The following ZNF157 variants were observed in gnomAD, a reference collection of about 807,000 sequenced individuals.
The protein encoded by ZNF157 is zinc finger protein 157, also known as zinc finger protein 22.
ZNF157 carries 8 observed loss-of-function variants against 9.4 expected under a neutral mutation model. The observed-to-expected ratio is 0.85, with a 90% confidence interval of 0.50 to 1.53. The LOEUF (loss-of-function observed/expected upper bound fraction) is 1.53, where lower values mean the gene tolerates loss of function less well. ZNF157 is among the 40% of genes most tolerant of loss of function. The pLI is 0.00. For synonymous variants in ZNF157, 120 were observed against 130.8 expected (o/e 0.92, Z 0.56); for missense variants, 316 against 385.2 (o/e 0.82, Z 1.50).
chrX:47,371,663 A>G (rs2055829161), intron 1 of ZNF157, among the ~76,000 whole-genome samples: 1 of 111,419 alleles, frequency 9.0e-6, no homozygotes. Context: ...GCTGGACTGC[A>G]ATGGCGTGAT....
Position 47,386,171 on chromosome X carries a change from T to C in ZNF157, c.72+15431T>C, listed in dbSNP as rs1402856992. ...AATTAAACTTTGATTTTGAGATCAG[T>C]ATCGATTCCCATGCAATTATAGGAA... On this transcript the variant is annotated intron_variant, in intron 1 of 3. Transcript: ENST00000377073. 5.4e-5 allele frequency among the ~76,000 whole-genome samples: 6 copies of C among 111,806 alleles called. No individual in the cohort carries two copies. In the Admixed American group the frequency reaches 5.8e-4, roughly 11 times the overall value.
At chrX:47,407,443 G>A (rs979577810) in intron 1 of ZNF157, among the ~76,000 whole-genome samples, 12 of 111,899 alleles carry the variant, frequency 1.1e-4, no homozygotes, top group African/African-American at 3.9e-4. Context: ...GAATTTACTA[G>A]TGAAACTATC....
At chrX:47,375,165 C>G (rs1484163368) in intron 1 of ZNF157, among the ~76,000 whole-genome samples, 1 of 106,360 alleles carries the variant, frequency 9.4e-6, no homozygotes, top group African/African-American at 3.4e-5. Context: ...TACAGGTGTG[C>G]ACCACCATGC....
At chrX:47,393,997 C>T (rs2055906099) in intron 1 of ZNF157, among the ~76,000 whole-genome samples, 1 of 106,363 alleles carries the variant, frequency 9.4e-6, no homozygotes, top group African/African-American at 3.4e-5. Context: ...GGGTCTTGCA[C>T]TGTTGCCCAG....
At chrX:47,401,865 A>G (rs1392542661) in intron 1 of ZNF157, among the ~76,000 whole-genome samples, 2 of 109,947 alleles carry the variant, frequency 1.8e-5, no homozygotes, top group Non-Finnish European at 3.8e-5. Context: ...TCAGCCTCCC[A>G]GGTAGCTAGG....
intron 1 of ZNF157, among the ~76,000 whole-genome samples, chrX:47,383,513 T>C (rs2055870477): frequency 9.9e-6 from 1 of 101,070 alleles, no homozygotes; most frequent in African/African-American, 3.6e-5. Flanking sequence ...CTGGGCAACA[T>C]AGCGAAATCC....
intron 1 of ZNF157, among the ~76,000 whole-genome samples, chrX:47,400,811 G>A (rs1252373526): frequency 6.3e-5 from 7 of 111,418 alleles, no homozygotes; most frequent in South Asian, 3.7e-4. Flanking sequence ...ATGTGCCACC[G>A]TGCCTGGCTA....
At chrX:47,373,687 G>A (rs1004272872) in intron 1 of ZNF157, among the ~76,000 whole-genome samples, 2 of 106,838 alleles carry the variant, frequency 1.9e-5, no homozygotes, top group Non-Finnish European at 3.8e-5. Context: ...CCCTAATTAG[G>A]ACTCCACATT....
rs754974891 is a variant in ZNF157, at chrX:47,375,228, G to A, written c.72+4488G>A. The stretch of plus-strand genomic sequence containing the variant: ...GACAGGGTTTCACCATGTTGGCCAG[G>A]CTGGCCTTGAACTCCTGACCTTGTG... On this transcript the variant is annotated intron_variant, in intron 1 of 3. Coordinates refer to ENST00000377073, the MANE Select transcript of ZNF157 (RefSeq NM_003446.4). Among the ~76,000 whole-genome samples the A allele has an allele frequency of 2.8e-5, 3 of 107,753 alleles. No individual in the cohort carries two copies. In the East Asian group the frequency reaches 8.8e-4, roughly 32 times the overall value. 93.6% of individuals were successfully genotyped at this position (107,753 alleles called of 115,157 possible).
In ZNF157 at chrX:47,383,371, C is replaced by CAA. The variant is rs35133137; in HGVS notation, c.72+12657_72+12658dup. On this transcript the variant is annotated intron_variant, in intron 1 of 3. Transcript: ENST00000377073. ...TGGGTGACAGAGAGGGACTCAGTCT[C>CAA]AAAAAAAAAAAAAAAAAAAAAAAAA... Among the ~76,000 whole-genome samples the CAA allele has an allele frequency of 9.0e-3, 169 of 18,797 alleles. 28 individuals carry two copies. The highest frequency in any genetic ancestry group is 0.031 in the East Asian group (8 of 262). 16.3% of individuals were successfully genotyped at this position (18,797 alleles called of 115,157 possible).
At chrX:47,371,861 C>G (rs1332112550) in intron 1 of ZNF157, among the ~76,000 whole-genome samples, 1 of 111,860 alleles carries the variant, frequency 8.9e-6, no homozygotes, top group Non-Finnish European at 1.9e-5. Context: ...CCTGCCTCAG[C>G]CTCCCAAAGT....
Position 47,413,395 on chromosome X carries a change from C to G in ZNF157, c.1322C>G (p.Pro441Arg), listed in dbSNP as rs1205005278. The G allele has an allele frequency of 3.3e-6, 4 of 1,211,706 alleles. No individual in the cohort carries two copies. In the South Asian group the frequency reaches 7.0e-5, roughly 21 times the overall value. ...QHRRTHTGEK[P>R]YECSECGNAF... is the part of the protein sequence containing the mutation. ...CGGAGAACTCACACAGGAGAGAAACCTTATGAATGTAGTGAATGTGGAAAT... is the reference window on the plus strand; with the variant it reads ...CGGAGAACTCACACAGGAGAGAAACGTTATGAATGTAGTGAATGTGGAAAT... The change falls in exon 4 of 4, where the codon CCT (proline) becomes CGT (arginine). Residue 441 changes from proline (P) to arginine (R), a missense_variant. By Grantham distance (103) the Pro-to-Arg change is moderately radical. This residue lies in a region of ZNF157 where 167 missense variants were observed against 183.6 expected (regional missense o/e 0.91). Coordinates refer to ENST00000377073, the MANE Select transcript of ZNF157 (RefSeq NM_003446.4).
intron 1 of ZNF157, among the ~76,000 whole-genome samples, chrX:47,383,137 G>A (rs756143852): frequency 2.9e-4 from 32 of 109,145 alleles, no homozygotes; most frequent in African/African-American, 1.1e-3. Context: ...TTGGGAGGCC[G>A]AGGTGGGCGG....
Position 47,414,184 on chromosome X carries a change from G to A in ZNF157, c.*590G>A, listed in dbSNP as rs1290440181. On this transcript the variant is annotated 3_prime_UTR_variant, in exon 4 of 4. Coordinates refer to ENST00000377073, the MANE Select transcript of ZNF157 (RefSeq NM_003446.4). ...GCACCACCATGCCTGGCTAATTTTT[G>A]TATTTTTAGTAAAGACGGGGTTTCA... 1 of 109,683 alleles carries A rather than the reference G, an allele frequency of 9.1e-6. No homozygotes were observed. Among genetic ancestry groups the A allele is most frequent in the African/African-American group, 3.3e-5 (1 of 30,182 alleles). The allele number at this position is 109,683 out of a possible 1,213,427, so 9.0% of individuals were successfully genotyped here.
At chrX:47,398,463 C>T (rs903088230) in intron 1 of ZNF157, among the ~76,000 whole-genome samples, 1 of 111,389 alleles carries the variant, frequency 9.0e-6, no homozygotes, top group Non-Finnish European at 1.9e-5. Context: ...TGTATTCATT[C>T]CTTTACTTTC....
chrX:47,381,039 G>A (rs1487689867), intron 1 of ZNF157, among the ~76,000 whole-genome samples: 1 of 103,409 alleles, frequency 9.7e-6, no homozygotes, highest in African/African-American at 3.5e-5. Context: ...AGCAGGAGGA[G>A]GAGAAAGAGA....
chrX:47,371,514 T>C (rs1260896149), intron 1 of ZNF157, among the ~76,000 whole-genome samples: 1 of 111,513 alleles, frequency 9.0e-6, no homozygotes. Context: ...GAGACTGTTA[T>C]ATTAATCAGA....
chrX:47,413,630 G>A lies in ZNF157; in HGVS notation c.*36G>A. 8.7e-7 allele frequency: 1 copy of A among 1,154,389 alleles called. No homozygotes were observed. Among genetic ancestry groups the A allele is most frequent in the Non-Finnish European group, 1.2e-6 (1 of 869,261 alleles). On this transcript the variant is annotated 3_prime_UTR_variant, in exon 4 of 4. Transcript: ENST00000377073. Reference sequence around the variant, plus strand: ...CACCATTGGATCAAGCTCCTTGGGGGCATATGATCACCAGGGCACACAGTG... The same window carrying A: ...CACCATTGGATCAAGCTCCTTGGGGACATATGATCACCAGGGCACACAGTG...
intron 1 of ZNF157, among the ~76,000 whole-genome samples, chrX:47,396,992 A>T (rs1357453093): frequency 9.1e-6 from 1 of 110,023 alleles, no homozygotes; most frequent in African/African-American, 3.3e-5. Context: ...TGATTCAATT[A>T]CCTCCCACTG....
Sources: gnomAD v4.1 joint callset for allele counts (sites outside exome capture counted in the v4.1 genomes callset) on GRCh38, gnomAD v4.1.1 for gene constraint, gnomAD v4.1.1 regional missense constraint, MANE v1.5 for transcripts, NCBI Gene and HGNC (gene_info 2026-07-23, HGNC 2026-07-21) for gene names.